The following TEAD1 variants were observed in gnomAD, a reference collection of about 807,000 sequenced individuals.
TEAD1 encodes TEA domain transcription factor 1, also known as transcriptional enhancer factor TEF-1.
TEAD1 carries 9 observed loss-of-function variants against 54.9 expected under a neutral mutation model. The observed-to-expected ratio is 0.16, with a 90% CI of 0.10 to 0.29. The LOEUF (loss-of-function observed/expected upper bound fraction) is 0.29. Ranked by LOEUF, TEAD1 falls within the 10% of genes least tolerant of loss-of-function variation. The probability of loss-of-function intolerance (pLI) is 1.00; values close to 1 mark genes in which losing one functional copy is unlikely to be tolerated. For missense variants in TEAD1, 387 were observed against 535.9 expected (o/e 0.72, Z 2.74); for synonymous variants, 200 against 187.8 (o/e 1.07, Z -0.53).
chr11:12,752,781 T>C (rs1377003651), intron 2 of TEAD1, among the ~76,000 whole-genome samples: 2 of 152,162 alleles, frequency 1.3e-5, no homozygotes, highest in African/African-American at 4.8e-5. Context: ...AATTCACAAA[T>C]GTGTCTAGTG....
rs1038822973 is a variant in TEAD1 at position 12,937,965 on chromosome 11, C to T, written c.*743C>T. The T allele has an allele frequency of 1.3e-5, 2 of 152,012 alleles. No individual in the cohort carries two copies. Among genetic ancestry groups the T allele is most frequent in the African/African-American group, 4.9e-5 (2 of 41,228 alleles). The allele number at this position is 152,012 out of a possible 1,614,324, so 9.4% of individuals were successfully genotyped here. On this transcript the variant is annotated 3_prime_UTR_variant, in exon 13 of 13. Transcript: ENST00000527636. Reference sequence around the variant, plus strand: ...AAGGAAGAAAACTTCACCCCTTATCCTTAACATATATAGTATATTTAAAAA... The same window carrying T: ...AAGGAAGAAAACTTCACCCCTTATCTTTAACATATATAGTATATTTAAAAA...
intron 3 of TEAD1, among the ~76,000 whole-genome samples, chr11:12,783,098 TTG>T (rs34564715): frequency 0.047 from 6,600 of 138,970 alleles, 343 homozygotes; most frequent in African/African-American, 0.13. Context: ...AGGTAAGGGT[TTG>T]TGTGTGTGTG....
chr11:12,924,422 C>G (rs904059637), intron 10 of TEAD1, among the ~76,000 whole-genome samples: 1 of 152,156 alleles, frequency 6.6e-6, no homozygotes, highest in African/African-American at 2.4e-5. Flanking sequence ...CAACTTAAGT[C>G]ATTATTTAAC....
chr11:12,913,460 C>T (rs1306748290), intron 10 of TEAD1, among the ~76,000 whole-genome samples: 1 of 152,198 alleles, frequency 6.6e-6, no homozygotes, highest in African/African-American at 2.4e-5. Flanking sequence ...TATACATATA[C>T]ATCACTTGTT....
intron 2 of TEAD1, among the ~76,000 whole-genome samples, chr11:12,730,123 C>T (rs1277159971): frequency 6.6e-6 from 1 of 152,158 alleles, no homozygotes; most frequent in East Asian, 1.9e-4. Flanking sequence ...TAATACAGGA[C>T]TCATTTATCA....
chr11:12,810,680 C>G (rs1199533151), intron 3 of TEAD1, among the ~76,000 whole-genome samples: 1 of 152,192 alleles, frequency 6.6e-6, no homozygotes, highest in Non-Finnish European at 1.5e-5. Context: ...CAGTGGGATG[C>G]TGCCCAGCAG....
rs571231621 is a variant in TEAD1 at position 12,687,191 on chromosome 11, G to GT, written c.-55+11636dup. Among the ~76,000 whole-genome samples the GT allele has an allele frequency of 1.1e-3, 174 of 152,318 alleles. 1 individual carries two copies. Among genetic ancestry groups the GT allele is most frequent in the African/African-American group, 3.8e-3 (157 of 41,570 alleles). ...TGTACTGCCTCTTGCCCCTCTAGCT[G>GT]TTTTTTGTGCTGTGCTTTTGATTAA... On this transcript the variant is annotated intron_variant, in intron 2 of 12. Coordinates refer to ENST00000527636, the MANE Select transcript of TEAD1 (RefSeq NM_021961.6).
intron 3 of TEAD1, among the ~76,000 whole-genome samples, chr11:12,792,666 C>G (rs1945827905): frequency 6.6e-6 from 1 of 151,636 alleles, no homozygotes; most frequent in Non-Finnish European, 1.5e-5. Flanking sequence ...AAAATAAGGG[C>G]AGTTATACTG....
intron 10 of TEAD1, among the ~76,000 whole-genome samples, chr11:12,919,501 C>CT (rs903917917): frequency 4.6e-5 from 7 of 151,160 alleles, no homozygotes; most frequent in African/African-American, 7.3e-5. Flanking sequence ...TTTTTAATTA[C>CT]TTTTTTTTTG....
intron 2 of TEAD1, among the ~76,000 whole-genome samples, chr11:12,749,429 C>G (rs927988976): frequency 6.6e-6 from 1 of 152,110 alleles, no homozygotes; most frequent in African/African-American, 2.4e-5. Context: ...ACCTTTTTCC[C>G]TAAAGAAATT....
chr11:12,934,376 C>T (rs1007871699), intron 12 of TEAD1, among the ~76,000 whole-genome samples: 5 of 151,754 alleles, frequency 3.3e-5, no homozygotes, highest in South Asian at 2.1e-4. Context: ...CATCACACAC[C>T]GGGGCCTGTT....
intron 3 of TEAD1, among the ~76,000 whole-genome samples, chr11:12,829,914 G>T (rs1267434691): frequency 2.0e-5 from 3 of 152,208 alleles, no homozygotes; most frequent in Admixed American, 2.0e-4. Context: ...TATGGGTTGG[G>T]TAGGGTAGGA....
chr11:12,774,404 T>G (rs1029111799), intron 3 of TEAD1, among the ~76,000 whole-genome samples: 5 of 152,140 alleles, frequency 3.3e-5, no homozygotes, highest in African/African-American at 1.2e-4. Flanking sequence ...TGCTGAGGGA[T>G]TTCTTTGAGG....
intron 3 of TEAD1, among the ~76,000 whole-genome samples, chr11:12,848,011 G>A (rs1474647882): frequency 6.6e-6 from 1 of 152,206 alleles, no homozygotes; most frequent in African/African-American, 2.4e-5. Context: ...AGATAGGTCT[G>A]ATGTGGCTAG....
At chr11:12,812,779 C>T (rs1946331646) in intron 3 of TEAD1, among the ~76,000 whole-genome samples, 2 of 152,188 alleles carry the variant, frequency 1.3e-5, no homozygotes, top group African/African-American at 4.8e-5. Flanking sequence ...TTGGGGAAGT[C>T]GTGGCTCAGT....
intron 2 of TEAD1, among the ~76,000 whole-genome samples, chr11:12,762,167 A>G (rs1028725573): frequency 7.9e-5 from 12 of 152,272 alleles, no homozygotes; most frequent in South Asian, 2.1e-4. Context: ...CCAGAGCTCA[A>G]GGACTGGCCT....
intron 3 of TEAD1, among the ~76,000 whole-genome samples, chr11:12,846,004 A>T (rs1947141593): frequency 6.6e-6 from 1 of 152,186 alleles, no homozygotes; most frequent in Non-Finnish European, 1.5e-5. Flanking sequence ...GCTAGCTTTG[A>T]TCTGCGAATC....
chr11:12,855,553 G>A (rs920868077), intron 3 of TEAD1, among the ~76,000 whole-genome samples: 12 of 151,950 alleles, frequency 7.9e-5, no homozygotes, highest in Admixed American at 2.6e-4. Flanking sequence ...CTCCCAAAGT[G>A]CTGGGATTAC....
chr11:12,796,956 CAA>C (rs1347913296), intron 3 of TEAD1, among the ~76,000 whole-genome samples: 1 of 151,734 alleles, frequency 6.6e-6, no homozygotes, highest in African/African-American at 2.4e-5. Flanking sequence ...CTAAAAAATA[CAA>C]AAAAATTAGC....
Sources: allele counts gnomAD v4.1 joint callset (sites outside exome capture counted in the v4.1 genomes callset), GRCh38; gene constraint gnomAD v4.1.1; transcripts MANE v1.5; gene names NCBI Gene and HGNC (gene_info 2026-07-23, HGNC 2026-07-21).